Variants in EIF2AK2 observed in about 807,000 individuals in gnomAD.
The protein encoded by EIF2AK2 is eukaryotic translation initiation factor 2 alpha kinase 2.
In EIF2AK2, 40 loss-of-function variants were observed where a neutral mutation model predicts 70.5. The observed-to-expected ratio is 0.57, with a 90% CI of 0.44 to 0.74. The LOEUF (loss-of-function observed/expected upper bound fraction) is 0.74, where lower values mean the gene tolerates loss of function less well. Among genes scored for constraint, EIF2AK2 ranks in the 30% least tolerant of loss-of-function variants. EIF2AK2 has a pLI of 0.00. For missense variants in EIF2AK2, 555 were observed against 644.3 expected (o/e 0.86, Z 1.50); for synonymous variants, 198 against 220.9 (o/e 0.90, Z 0.92).
At chr2:37,150,814 G>GA (rs1675715859) in intron 1 of EIF2AK2, among the ~76,000 whole-genome samples, 1 of 152,140 alleles carries the variant, frequency 6.6e-6, no homozygotes, top group African/African-American at 2.4e-5. Context: ...ATTTCTCTAT[G>GA]AAATCCCAAA....
At chr2:37,139,807 A>G (rs2148703269) in intron 5 of EIF2AK2, 50 bp from the exon 6 acceptor site, 1 of 1,560,486 alleles carries the variant, frequency 6.4e-7, no homozygotes, top group East Asian at 2.3e-5. Context: ...AATATAGCAA[A>G]TCCAACTTAG....
chr2:37,138,915 C>T (rs1227461652), intron 6 of EIF2AK2, among the ~76,000 whole-genome samples: 1 of 151,982 alleles, frequency 6.6e-6, no homozygotes, highest in Non-Finnish European at 1.5e-5. Flanking sequence ...CCCGCCTCAG[C>T]CTCCTGAGTA....
At chr2:37,139,846 G>T (rs2148703334) in intron 5 of EIF2AK2, 89 bp from the exon 6 acceptor site, 1 of 1,310,882 alleles carries the variant, frequency 7.6e-7, no homozygotes, top group East Asian at 2.4e-5. Flanking sequence ...TATTAACAGA[G>T]ATCTTAAGAT....
intron 4 of EIF2AK2, among the ~76,000 whole-genome samples, chr2:37,142,893 T>C (rs973704852): frequency 4.6e-5 from 7 of 152,298 alleles, no homozygotes; most frequent in African/African-American, 7.2e-5. Context: ...TAGATGCTTA[T>C]AAAATTCTTT....
intron 14 of EIF2AK2, 44 bp downstream of exon 14, chr2:37,114,687 A>G: frequency 6.8e-7 from 1 of 1,464,714 alleles, no homozygotes; most frequent in Non-Finnish European, 9.0e-7. Context: ...ATAATTTTCA[A>G]AATAAAAGAA....
chr2:37,125,860 A>G (rs577570640), intron 11 of EIF2AK2, among the ~76,000 whole-genome samples: 52 of 152,334 alleles, frequency 3.4e-4, no homozygotes, highest in African/African-American at 1.2e-3. Context: ...TCTAGCTTTT[A>G]TCTTAGACAA....
intron 8 of EIF2AK2, among the ~76,000 whole-genome samples, chr2:37,137,682 T>C (rs1174746739): frequency 2.0e-5 from 3 of 152,130 alleles, no homozygotes; most frequent in African/African-American, 7.2e-5. Flanking sequence ...ACTATATTAG[T>C]GAATCTTTAA....
chr2:37,134,428 C>T (rs539959418), intron 10 of EIF2AK2, among the ~76,000 whole-genome samples: 2 of 152,326 alleles, frequency 1.3e-5, no homozygotes, highest in East Asian at 3.9e-4. Flanking sequence ...TCAAACTAAC[C>T]GAGTTGACTA....
At chr2:37,128,694 G>T (rs1043075771) in intron 10 of EIF2AK2, among the ~76,000 whole-genome samples, 9 of 152,142 alleles carry the variant, frequency 5.9e-5, no homozygotes, top group African/African-American at 2.2e-4. Context: ...TTACCATCTT[G>T]GACAAGCACC....
chr2:37,118,206 C>T lies in EIF2AK2; in HGVS notation c.1248+1753G>A, dbSNP rs189682361. ...GTGTACACCTGTGGTCCCAGCTATA[C>T]GGGAGGCTGAGGTGGGAGGACTGCT... On this transcript the variant is annotated intron_variant, in intron 13 of 16. Coordinates refer to ENST00000233057, the MANE Select transcript of EIF2AK2 (RefSeq NM_001135651.3). Among the ~76,000 whole-genome samples, 24 of 151,406 alleles carry T rather than the reference C, an allele frequency of 1.6e-4. 1 individual carries two copies. The South Asian group carries it at 3.3e-3, about 21-fold the overall frequency.
At chr2:37,122,836 C>T (rs1674602585) in intron 11 of EIF2AK2, among the ~76,000 whole-genome samples, 172 bp from the exon 12 acceptor site, 1 of 152,010 alleles carries the variant, frequency 6.6e-6, no homozygotes, top group Non-Finnish European at 1.5e-5. Flanking sequence ...AGTGAACATA[C>T]TGAAAAAAAA....
chr2:37,130,125 G>C (rs1405521527), intron 10 of EIF2AK2, among the ~76,000 whole-genome samples: 2 of 147,020 alleles, frequency 1.4e-5, no homozygotes, highest in East Asian at 3.9e-4. Context: ...TTTTGAGATG[G>C]AGTCTTGCTC....
At position 37,100,923 on chromosome 2, in the gene EIF2AK2, A is replaced by T. The variant is rs1673812593; in HGVS notation, c.*6350T>A. On this transcript the variant is annotated 3_prime_UTR_variant, in exon 17 of 17. Transcript: ENST00000233057. ...GTGAGACAAAGTACCCCTCAAATAC[A>T]TGTGGCTCTTGGGGTTCATCTGACT... The T allele has an allele frequency of 6.6e-6, 1 of 152,226 alleles. No homozygotes were observed. The highest frequency in any genetic ancestry group is 6.5e-5 in the Admixed American group (1 of 15,274). The allele number at this position is 152,226 out of a possible 1,614,324, so 9.4% of individuals were successfully genotyped here. A position where few individuals can be genotyped will look rare whatever the true frequency, so the allele number is the denominator to read the frequency against.
rs962040125 is a variant in EIF2AK2, at chr2:37,138,349, G to A, written c.608C>T (p.Ser203Leu). Residue 203 changes from serine (S) to leucine (L), a missense_variant, in exon 8 of 17, where the codon TCA becomes TTA. Around this residue, in one of 3 missense-constraint regions of EIF2AK2, gnomAD observed 208 missense variants for 191.8 expected, o/e 1.08. Coordinates refer to ENST00000233057, the MANE Select transcript of EIF2AK2 (RefSeq NM_001135651.3). ...LVTSTLASES[S>L]SEGDFSADTS... ...ATCTGCTGAGAAGTCACCTTCAGAT[G>A]ATGATTCAGAAGCGCTAGAAGAAAA... 2.5e-6 allele frequency: 4 copies of A among 1,613,638 alleles called. No individual in the cohort carries two copies. Among genetic ancestry groups the A allele is most frequent in the Non-Finnish European group, 2.5e-6 (3 of 1,179,830 alleles).
intron 4 of EIF2AK2, among the ~76,000 whole-genome samples, chr2:37,144,457 C>G (rs1675453168): frequency 6.6e-6 from 1 of 152,012 alleles, no homozygotes. Flanking sequence ...GATGACACCT[C>G]CATGTATGTT....
intron 1 of EIF2AK2, among the ~76,000 whole-genome samples, chr2:37,156,563 G>A (rs535824504): frequency 2.6e-5 from 4 of 152,300 alleles, no homozygotes; most frequent in African/African-American, 9.6e-5. Context: ...AAGCCACTAG[G>A]CCTATTCGTC....
At position 37,100,196 on chromosome 2, in the gene EIF2AK2, A is replaced by T. The variant is rs1167624527; in HGVS notation, c.*7077T>A. 1 of 152,224 alleles carries T rather than the reference A, an allele frequency of 6.6e-6. No individual in the cohort carries two copies. Among genetic ancestry groups the T allele is most frequent in the Non-Finnish European group, 1.5e-5 (1 of 68,050 alleles). 9.4% of individuals were successfully genotyped at this position (152,224 alleles called of 1,614,324 possible). A position where few individuals can be genotyped will look rare whatever the true frequency, so the allele number is the denominator to read the frequency against. Reference sequence around the variant, plus strand: ...ACAGGAGAGAGCCACTGAGTGCAAAAGCCTGTTGAGGTAAAACTGCAGACC... The same window carrying T: ...ACAGGAGAGAGCCACTGAGTGCAAATGCCTGTTGAGGTAAAACTGCAGACC... On this transcript the variant is annotated 3_prime_UTR_variant, in exon 17 of 17. Transcript: ENST00000233057.
chr2:37,120,463 C>G (rs954507227), intron 12 of EIF2AK2, among the ~76,000 whole-genome samples: 3 of 124,058 alleles, frequency 2.4e-5, no homozygotes, highest in Non-Finnish European at 4.7e-5. Flanking sequence ...GCCGAGATCA[C>G]GCCACTGCAC....
Position 37,109,235 on chromosome 2 carries a change from CA to C in EIF2AK2, c.1437del (p.Glu480AsnfsTer54), listed in dbSNP as rs779404171. The C allele has an allele frequency of 6.2e-7, 1 of 1,614,142 alleles. No individual in the cohort carries two copies. Among genetic ancestry groups the C allele is most frequent in the Non-Finnish European group, 8.5e-7 (1 of 1,180,016 alleles). On this transcript the variant is annotated frameshift_variant, in exon 15 of 17. Coordinates refer to ENST00000233057, the MANE Select transcript of EIF2AK2 (RefSeq NM_001135651.3). LOFTEE classifies it high-confidence loss of function. The part of the protein sequence containing the change: ...VDLYALGLIL[A>X]ELLHVCDTAF... ...GCAGTGTCACATACATGAAGAAGTT[CA>C]GCAAGAATTAGCCCCAAAGCGTAGA...
Sources: allele counts gnomAD v4.1 joint callset (sites outside exome capture counted in the v4.1 genomes callset), GRCh38; gene constraint gnomAD v4.1.1; regional missense constraint gnomAD v4.1.1; transcripts MANE v1.5; gene names NCBI Gene and HGNC (gene_info 2026-07-23, HGNC 2026-07-21).